OPHN1: variants seen among roughly 807,000 people sequenced by gnomAD.
OPHN1 encodes oligophrenin 1, also known as oligophrenin-1.
In OPHN1, 11 loss-of-function variants were observed where a neutral mutation model predicts 60.7. The observed-to-expected ratio is 0.18, with a 90% confidence interval of 0.11 to 0.30. The LOEUF (loss-of-function observed/expected upper bound fraction) is 0.30. OPHN1 is among the 10% of genes least tolerant of loss of function. The pLI is 1.00. For synonymous variants in OPHN1, 226 were observed against 222.6 expected (o/e 1.02, Z -0.14); for missense variants, 449 against 611.0 (o/e 0.73, Z 2.80).
At chrX:68,084,124 A>C (rs1346945346) in intron 19 of OPHN1, among the ~76,000 whole-genome samples, 3 of 110,340 alleles carry the variant, frequency 2.7e-5, no homozygotes, top group Admixed American at 9.7e-5. Context: ...CCAACATTCA[A>C]ATTGTTTTTA....
intron 5 of OPHN1, among the ~76,000 whole-genome samples, chrX:68,252,928 T>A (rs777357800): frequency 9.0e-6 from 1 of 110,895 alleles, no homozygotes; most frequent in South Asian, 3.9e-4. Context: ...AGTTTTTTTT[T>A]AGAGGAAGTC....
chrX:68,426,699 C>CTAATAAAAAA (rs2078859704), intron 2 of OPHN1, among the ~76,000 whole-genome samples: 1 of 36,716 alleles, frequency 2.7e-5, no homozygotes, highest in African/African-American at 7.7e-5. Context: ...CGCATCTCTC[C>CTAATAAAAAA]AAAAAAAAAA....
intron 5 of OPHN1, among the ~76,000 whole-genome samples, chrX:68,266,618 A>C (rs1255055507): frequency 8.9e-6 from 1 of 111,743 alleles, no homozygotes; most frequent in African/African-American, 3.3e-5. Flanking sequence ...AAACTGCATC[A>C]ACTAACGAGC....
intron 2 of OPHN1, among the ~76,000 whole-genome samples, chrX:68,329,471 T>C (rs2078284225): frequency 1.8e-5 from 2 of 112,328 alleles, no homozygotes; most frequent in South Asian, 7.3e-4. Flanking sequence ...TAAATAAATA[T>C]GTAGTATATA....
chrX:68,390,254 G>A (rs934879519), intron 2 of OPHN1, among the ~76,000 whole-genome samples: 2 of 111,233 alleles, frequency 1.8e-5, no homozygotes, highest in Non-Finnish European at 1.9e-5. Context: ...GCACTTAAAC[G>A]ATTATTATTA....
At chrX:68,127,031 AC>A (rs773976439) in intron 15 of OPHN1, among the ~76,000 whole-genome samples, 6 of 112,286 alleles carry the variant, frequency 5.3e-5, no homozygotes, top group South Asian at 7.4e-4. Flanking sequence ...AAAAGAACAA[AC>A]TAAAAAGGTT....
At chrX:68,233,894 T>C (rs1162591207) in intron 6 of OPHN1, among the ~76,000 whole-genome samples, 6 of 110,531 alleles carry the variant, frequency 5.4e-5, no homozygotes, top group Admixed American at 9.7e-5. Flanking sequence ...GAGTAATGTG[T>C]TTTCTTATTT....
At chrX:68,366,330 A>G (rs1347441001) in intron 2 of OPHN1, among the ~76,000 whole-genome samples, 1 of 110,813 alleles carries the variant, frequency 9.0e-6, no homozygotes, top group Non-Finnish European at 1.9e-5. Flanking sequence ...CACCTATTTG[A>G]CTTTTTTTTC....
chrX:68,410,402 AC>A lies in OPHN1; in HGVS notation c.154+22464del, dbSNP rs977386776. Among the ~76,000 whole-genome samples, 3 of 110,890 alleles carry A rather than the reference AC, an allele frequency of 2.7e-5. No homozygotes were observed. In the Admixed American group the frequency reaches 2.9e-4, roughly 11 times the overall value. ...TGGCAGAAGGCCGAAGAGCAAAAAA[AC>A]AACAACAAAAAAGGCCAGTGCAGTG... On this transcript the variant is annotated intron_variant, in intron 2 of 24. Coordinates refer to ENST00000355520, the MANE Select transcript of OPHN1 (RefSeq NM_002547.3).
At chrX:68,156,762 C>A (rs1413327829) in intron 15 of OPHN1, among the ~76,000 whole-genome samples, 1 of 111,515 alleles carries the variant, frequency 9.0e-6, no homozygotes, top group Non-Finnish European at 1.9e-5. Flanking sequence ...AAAAAATTTA[C>A]AAAATGTATC....
chrX:68,086,356 T>G (rs1404251296), intron 19 of OPHN1, among the ~76,000 whole-genome samples: 1 of 111,447 alleles, frequency 9.0e-6, no homozygotes, highest in Non-Finnish European at 1.9e-5. Flanking sequence ...ATGGTGGTAC[T>G]AGCTGCTGAC....
intron 3 of OPHN1, among the ~76,000 whole-genome samples, chrX:68,287,464 CA>C (rs1242764459): frequency 0.02 from 1,295 of 65,024 alleles, 11 homozygotes; most frequent in African/African-American, 0.05. Flanking sequence ...AGTTCTGTCT[CA>C]AAAAAAAAAA....
intron 5 of OPHN1, among the ~76,000 whole-genome samples, chrX:68,267,408 C>T (rs775185742): frequency 8.9e-6 from 1 of 111,894 alleles, no homozygotes; most frequent in South Asian, 3.7e-4. Flanking sequence ...GGAAACTGAA[C>T]GACCTGCTCC....
At chrX:68,342,945 C>T (rs1354737228) in intron 2 of OPHN1, among the ~76,000 whole-genome samples, 1 of 108,915 alleles carries the variant, frequency 9.2e-6, no homozygotes, top group Non-Finnish European at 1.9e-5. Flanking sequence ...GTCACGAAGA[C>T]GAAGAAGAAG....
At chrX:68,423,410 C>T (rs935997948) in intron 2 of OPHN1, among the ~76,000 whole-genome samples, 1 of 110,182 alleles carries the variant, frequency 9.1e-6, no homozygotes, top group African/African-American at 3.3e-5. Context: ...ATAAGACAAG[C>T]GCCTGTCACC....
At chrX:68,173,559 T>A (rs1361692940) in intron 15 of OPHN1, among the ~76,000 whole-genome samples, 2 of 111,172 alleles carry the variant, frequency 1.8e-5, no homozygotes, top group Non-Finnish European at 1.9e-5. Context: ...TAAAGAAGTA[T>A]CCTGTGAAAG....
chrX:68,171,318 T>C (rs898417420), intron 15 of OPHN1, among the ~76,000 whole-genome samples: 2 of 111,518 alleles, frequency 1.8e-5, no homozygotes, highest in Admixed American at 1.9e-4. Flanking sequence ...TATATTGATT[T>C]TTAAAAAAAG....
At chrX:68,110,241 T>C (rs755806659) in intron 18 of OPHN1, among the ~76,000 whole-genome samples, 66 of 111,952 alleles carry the variant, frequency 5.9e-4, no homozygotes, top group Non-Finnish European at 1.1e-3. Flanking sequence ...TTACTATGAG[T>C]GAGCTTGAGC....
At chrX:68,420,771 G>A (rs1042967342) in intron 2 of OPHN1, among the ~76,000 whole-genome samples, 3 of 107,710 alleles carry the variant, frequency 2.8e-5, no homozygotes, top group East Asian at 2.9e-4. Flanking sequence ...GACACTGAAC[G>A]TGCATTCTTG....
Sources: gnomAD v4.1 joint callset for allele counts (sites outside exome capture counted in the v4.1 genomes callset) on GRCh38, gnomAD v4.1.1 for gene constraint, MANE v1.5 for transcripts, NCBI Gene and HGNC (gene_info 2026-07-23, HGNC 2026-07-21) for gene names.